SMOC1: variants seen among roughly 807,000 people sequenced by gnomAD.
The protein encoded by SMOC1 is SPARC related modular calcium binding 1, also known as SPARC-related modular calcium-binding protein 1.
In SMOC1, 22 loss-of-function variants were observed where a neutral mutation model predicts 56.3. The ratio of observed to expected loss-of-function variants is 0.39; its 90% CI spans 0.28 to 0.56. SMOC1 has a LOEUF of 0.56. Among genes scored for constraint, SMOC1 ranks in the 20% least tolerant of loss-of-function variants. The probability of loss-of-function intolerance (pLI) is 0.61; values close to 1 mark genes in which losing one functional copy is unlikely to be tolerated. For synonymous variants in SMOC1, 193 were observed against 215.0 expected, an observed-to-expected ratio of 0.90 and a Z score of 0.89; for missense variants, 509 against 565.4, an observed-to-expected ratio of 0.90 and a Z score of 1.01.
intron 1 of SMOC1, among the ~76,000 whole-genome samples, chr14:69,924,719 G>A (rs184217550): frequency 1.2e-3 from 120 of 103,934 alleles, no homozygotes; most frequent in African/African-American, 4.6e-3. Context: ...GGTAGGAGAG[G>A]TAGGGGAGGA....
intron 1 of SMOC1, among the ~76,000 whole-genome samples, chr14:69,884,192 C>T (rs1883731356): frequency 6.6e-6 from 1 of 152,156 alleles, no homozygotes; most frequent in Non-Finnish European, 1.5e-5. Flanking sequence ...AGGCGTGAGC[C>T]ACCGCGCCCG....
intron 1 of SMOC1, among the ~76,000 whole-genome samples, chr14:69,945,529 A>G (rs534789173): frequency 2.2e-4 from 33 of 152,348 alleles, no homozygotes; most frequent in African/African-American, 7.9e-4. Flanking sequence ...AGTGAAGTCA[A>G]ATCTGTTACC....
At chr14:69,976,747 G>A (rs1883974019) in intron 4 of SMOC1, among the ~76,000 whole-genome samples, 1 of 152,118 alleles carries the variant, frequency 6.6e-6, no homozygotes, top group Admixed American at 6.5e-5. Flanking sequence ...TCATATCTGT[G>A]TGCATAGGGT....
chr14:69,892,595 C>A (rs1883992119), intron 1 of SMOC1, among the ~76,000 whole-genome samples: 1 of 152,100 alleles, frequency 6.6e-6, no homozygotes, highest in Non-Finnish European at 1.5e-5. Context: ...GCCATGGACC[C>A]CTTACCCACA....
At position 69,990,405 on chromosome 14, in the gene SMOC1, G is replaced by A. The variant is rs187664044; in HGVS notation, c.527-2012G>A. ...TGAGTTCTCATTATCATCCCTCCTG[G>A]AATGTTTGATTTTTCACTTTCCCTT... On this transcript the variant is annotated intron_variant, in intron 5 of 11. Transcript: ENST00000361956. 1.1e-4 allele frequency among the ~76,000 whole-genome samples: 16 copies of A among 152,270 alleles called. No individual in the cohort carries two copies. In the East Asian group the frequency reaches 3.1e-3, roughly 29 times the overall value.
At chr14:69,898,839 C>T (rs1238950263) in intron 1 of SMOC1, among the ~76,000 whole-genome samples, 6 of 151,884 alleles carry the variant, frequency 4.0e-5, no homozygotes, top group Non-Finnish European at 7.4e-5. Context: ...GTTTGTTTGC[C>T]TTCTAGTATG....
rs115363256 is a variant in SMOC1, at chr14:69,905,210, G to A, written c.99+25433G>A. On this transcript the variant is annotated intron_variant, in intron 1 of 11. Transcript: ENST00000361956. ...GGGCTGAGAGTCTTCTGAAGGCAGA[G>A]TCAAAGCAGTCCCGCCTGATGTAGG... Among the ~76,000 whole-genome samples, 334 of 152,280 alleles carry A rather than the reference G, an allele frequency of 2.2e-3. 1 individual carries two copies. Among genetic ancestry groups the A allele is most frequent in the African/African-American group, 7.7e-3 (319 of 41,548 alleles).
chr14:69,888,988 C>A (rs1314765337), intron 1 of SMOC1, among the ~76,000 whole-genome samples: 1 of 152,192 alleles, frequency 6.6e-6, no homozygotes, highest in Non-Finnish European at 1.5e-5. Flanking sequence ...ATCCACAGAA[C>A]TTTCCACAAG....
At chr14:69,950,065 C>T (rs1882936819) in intron 1 of SMOC1, among the ~76,000 whole-genome samples, 1 of 152,244 alleles carries the variant, frequency 6.6e-6, no homozygotes, top group Non-Finnish European at 1.5e-5. Context: ...TCATGAGACA[C>T]TATCTGGATA....
intron 1 of SMOC1, among the ~76,000 whole-genome samples, chr14:69,910,631 A>G (rs1284846254): frequency 6.6e-6 from 1 of 151,126 alleles, no homozygotes; most frequent in African/African-American, 2.4e-5. Context: ...AAATGCCTCT[A>G]TTGCAATAAG....
At chr14:69,999,364 C>T (rs17107583) in intron 7 of SMOC1, among the ~76,000 whole-genome samples, 18,388 of 152,116 alleles carry the variant, frequency 0.12, 1,231 homozygotes, top group African/African-American at 0.15. Context: ...TAGAAACCAC[C>T]GGCTGATGTA....
intron 4 of SMOC1, among the ~76,000 whole-genome samples, chr14:69,976,500 A>G (rs1288830915): frequency 6.6e-6 from 1 of 152,174 alleles, no homozygotes; most frequent in East Asian, 1.9e-4. Context: ...CTTTATAGTG[A>G]TCCATTGGGT....
rs1276720583 is a variant in SMOC1 at position 69,975,834 on chromosome 14, G to A, written c.478+20G>A. ...GTTCAGGTACCGTAGGGAGGGGCGG[G>A]AAGAATGAAAAGGGTTGGAGAGAGA... On this transcript the variant is annotated intron_variant, in intron 4 of 11. Transcript: ENST00000361956. The A allele has an allele frequency of 2.5e-6, 4 of 1,579,068 alleles. No homozygotes were observed. The highest frequency in any genetic ancestry group is 3.5e-6 in the Non-Finnish European group (4 of 1,150,472).
intron 7 of SMOC1, among the ~76,000 whole-genome samples, chr14:69,996,836 C>T (rs1002468505): frequency 1.3e-5 from 2 of 152,182 alleles, no homozygotes; most frequent in Non-Finnish European, 2.9e-5. Context: ...TGACTGAATG[C>T]CTATCAATCT....
chr14:69,916,917 C>T (rs1884701063), intron 1 of SMOC1, among the ~76,000 whole-genome samples: 2 of 152,342 alleles, frequency 1.3e-5, no homozygotes, highest in African/African-American at 4.8e-5. Flanking sequence ...AGCCCAGTGC[C>T]TAGAACAGTG....
chr14:69,907,162 C>T (rs1263951420), intron 1 of SMOC1, among the ~76,000 whole-genome samples: 1 of 152,106 alleles, frequency 6.6e-6, no homozygotes, highest in Admixed American at 6.5e-5. Flanking sequence ...ATTTTAAGTT[C>T]TGGGCTGCCA....
chr14:70,012,032 T>C (rs1286661897), intron 9 of SMOC1, among the ~76,000 whole-genome samples: 14 of 152,178 alleles, frequency 9.2e-5, no homozygotes, highest in Admixed American at 8.5e-4. Flanking sequence ...CCCTGGTACC[T>C]CCAAATGGCT....
chr14:69,884,371 GT>G (rs1219835768), intron 1 of SMOC1, among the ~76,000 whole-genome samples: 1 of 152,042 alleles, frequency 6.6e-6, no homozygotes, highest in Non-Finnish European at 1.5e-5. Context: ...CAGATATACA[GT>G]TTGTGAATAT....
At chr14:69,961,318 A>G (rs1265303514) in intron 3 of SMOC1, among the ~76,000 whole-genome samples, 2 of 114,372 alleles carry the variant, frequency 1.7e-5, no homozygotes, top group African/African-American at 7.0e-5. Context: ...ATATATATAT[A>G]TCCTGTTTTA....
Sources: gnomAD v4.1 joint callset for allele counts (sites outside exome capture counted in the v4.1 genomes callset) on GRCh38, gnomAD v4.1.1 for gene constraint, MANE v1.5 for transcripts, NCBI Gene and HGNC (gene_info 2026-07-23, HGNC 2026-07-21) for gene names.